TP73: variants seen among roughly 807,000 people sequenced by gnomAD.
TP73 encodes the protein tumor protein p73.
A neutral mutation model predicts 62.5 loss-of-function variants in TP73; 25 were observed. That is an observed-to-expected ratio of 0.40 (90% confidence interval 0.29 to 0.56). TP73 has a LOEUF of 0.56. TP73 is among the 20% of genes least tolerant of loss of function. The pLI is 0.46. For missense variants in TP73, 754 were observed against 913.3 expected (o/e 0.83, Z 2.25); for synonymous variants, 423 against 377.5 (o/e 1.12, Z -1.40).
intron 1 of TP73, among the ~76,000 whole-genome samples, chr1:3,674,160 T>G (rs773651741): frequency 6.6e-6 from 1 of 152,172 alleles, no homozygotes; most frequent in Non-Finnish European, 1.5e-5. Context: ...AGGAAGCTGG[T>G]TGGGGGCACC....
intron 11 of TP73, among the ~76,000 whole-genome samples, chr1:3,730,703 C>G (rs1435196266): frequency 6.6e-6 from 1 of 152,156 alleles, no homozygotes; most frequent in Non-Finnish European, 1.5e-5. Context: ...ACCCAGTGCC[C>G]CGTACGCACG....
chr1:3,679,451 CTCTG>C (rs1360583087), intron 1 of TP73, among the ~76,000 whole-genome samples: 3 of 152,252 alleles, frequency 2.0e-5, no homozygotes, highest in East Asian at 1.9e-4. Flanking sequence ...CTCTGTCTGT[CTCTG>C]TCTGTCTCTG....
chr1:3,660,013 G>C (rs1219837624), intron 1 of TP73, among the ~76,000 whole-genome samples: 1 of 152,168 alleles, frequency 6.6e-6, no homozygotes, highest in African/African-American at 2.4e-5. Flanking sequence ...AGTAAGTCTA[G>C]CCTCATTAAA....
In TP73 at chr1:3,682,402, A is replaced by G. The variant is rs1417398927; in HGVS notation, c.37A>G (p.Thr13Ala). ...CACCGCCACCTCCCCTGATGGGGGC[A>G]CCACGTTTGAGCACCTCTGGAGCTC... ...QSTATSPDGG[T>A]TFEHLWSSLE... The change falls in exon 2 of 14, where the codon ACC (threonine) becomes GCC (alanine). Residue 13 changes from threonine (T) to alanine (A), a missense_variant. Thr to Ala is a moderately conservative substitution (Grantham distance 58). Around this residue, in one of 3 missense-constraint regions of TP73, gnomAD observed 235 missense variants for 251.4 expected, o/e 0.93. Coordinates refer to ENST00000378295, the MANE Select transcript of TP73 (RefSeq NM_005427.4). The G allele has an allele frequency of 1.9e-6, 3 of 1,564,632 alleles. No individual in the cohort carries two copies. In the East Asian group the frequency reaches 7.0e-5, roughly 37 times the overall value.
Position 3,722,061 on chromosome 1 carries a change from A to G in TP73, c.470A>G (p.Lys157Arg). The G allele has an allele frequency of 6.2e-7, 1 of 1,611,508 alleles. No homozygotes were observed. The highest frequency in any genetic ancestry group is 8.5e-7 in the Non-Finnish European group (1 of 1,178,872). ...LLKKLYCQIA[K>R]TCPIQIKVST... ...AAGAAACTCTACTGCCAGATCGCCA[A>G]GACATGCCCCATCCAGATCAAGGTG... Residue 157 changes from lysine (K) to arginine (R), a missense_variant, in exon 5 of 14, where the codon AAG becomes AGG. This residue lies in a region of TP73 where 235 missense variants were observed against 251.4 expected (regional missense o/e 0.93). Coordinates refer to ENST00000378295, the MANE Select transcript of TP73 (RefSeq NM_005427.4).
intron 3 of TP73, among the ~76,000 whole-genome samples, chr1:3,684,217 CT>C (rs1338084345): frequency 4.6e-5 from 7 of 152,220 alleles, no homozygotes; most frequent in Admixed American, 3.3e-4. Context: ...CACAGGCTGG[CT>C]GCCCCGCCCC....
At chr1:3,719,609 C>A (rs1473119374) in intron 4 of TP73, among the ~76,000 whole-genome samples, 2 of 152,208 alleles carry the variant, frequency 1.3e-5, no homozygotes, top group Admixed American at 1.3e-4. Flanking sequence ...GGTCCGAGTC[C>A]CAGAGGGTCT....
Position 3,691,062 on chromosome 1 carries a change from A to G in TP73, c.186+7882A>G. 6.3e-6 allele frequency: 9 copies of G among 1,420,650 alleles called. No homozygotes were observed. In the South Asian group the frequency reaches 1.1e-4, roughly 18 times the overall value. The allele number at this position is 1,420,650 out of a possible 1,614,324, so 88.0% of individuals were successfully genotyped here. A position where few individuals can be genotyped will look rare whatever the true frequency, so the allele number is the denominator to read the frequency against. Reference sequence around the variant, plus strand: ...CCTTCCTGGCCTGGAGTCTGCTGCCAGTTGGGGTGAGCAGAGGTAGGAAGG... The same window carrying G: ...CCTTCCTGGCCTGGAGTCTGCTGCCGGTTGGGGTGAGCAGAGGTAGGAAGG... On this transcript the variant is annotated intron_variant, in intron 3 of 13. Coordinates refer to ENST00000378295, the MANE Select transcript of TP73 (RefSeq NM_005427.4).
chr1:3,684,754 G>T (rs1307047172), intron 3 of TP73, among the ~76,000 whole-genome samples: 1 of 151,546 alleles, frequency 6.6e-6, no homozygotes, highest in African/African-American at 2.4e-5. Flanking sequence ...GCCTGCCCCT[G>T]CCCTCCCACC....
intron 3 of TP73, among the ~76,000 whole-genome samples, chr1:3,700,560 G>T (rs1301796641): frequency 6.6e-6 from 1 of 152,152 alleles, no homozygotes; most frequent in Non-Finnish European, 1.5e-5. Context: ...ACTTTGGGAG[G>T]CTGAGGTGGG....
chr1:3,729,220 A>T (rs1641927972), intron 9 of TP73, 107 bp from the exon 10 acceptor site: 2 of 1,502,720 alleles, frequency 1.3e-6, no homozygotes, highest in Non-Finnish European at 1.8e-6. Context: ...GGGAACCCCC[A>T]GAAAGGACAG....
rs116178978 is a variant in TP73, at chr1:3,678,416, C to T, written c.-33-3917C>T. On this transcript the variant is annotated intron_variant, in intron 1 of 13. Coordinates refer to ENST00000378295, the MANE Select transcript of TP73 (RefSeq NM_005427.4). ...CATGCCCAGTACTCCCAGATGCCTGCGGAGCCAGTCATCAGCTCAGGTGTG... is the reference window on the plus strand; with the variant it reads ...CATGCCCAGTACTCCCAGATGCCTGTGGAGCCAGTCATCAGCTCAGGTGTG... Among the ~76,000 whole-genome samples, 596 of 152,326 alleles carry T rather than the reference C, an allele frequency of 3.9e-3. 4 individuals carry two copies. Among genetic ancestry groups the T allele is most frequent in the African/African-American group, 0.012 (499 of 41,574 alleles).
In TP73 at chr1:3,685,501, C is replaced by T. The variant is rs566799760; in HGVS notation, c.186+2321C>T. Reference sequence around the variant, plus strand: ...TGGAATGAAGGCAGGCCCAGGCCTGCGTGGGGAGAGCCAAGCCTCATTCTG... The same window carrying T: ...TGGAATGAAGGCAGGCCCAGGCCTGTGTGGGGAGAGCCAAGCCTCATTCTG... On this transcript the variant is annotated intron_variant, in intron 3 of 13. Coordinates refer to ENST00000378295, the MANE Select transcript of TP73 (RefSeq NM_005427.4). 1.8e-4 allele frequency among the ~76,000 whole-genome samples: 27 copies of T among 152,362 alleles called. No homozygotes were observed. In the East Asian group the frequency reaches 4.0e-3, roughly 23 times the overall value.
rs1450611269 is a variant in TP73, at chr1:3,701,473, C to G, written c.187-6076C>G. ...ACCATACTTCTGGACCCTCTTGATC[C>G]CCACAACCATCCTACGAAGTCCACG... On this transcript the variant is annotated intron_variant, in intron 3 of 13. Transcript: ENST00000378295. The surrounding 1 kb of genome is among the most constrained non-coding windows in gnomAD (Gnocchi z 4.7). Among the ~76,000 whole-genome samples, 1 of 152,070 alleles carries G rather than the reference C, an allele frequency of 6.6e-6. No homozygotes were observed. Among genetic ancestry groups the G allele is most frequent in the African/African-American group, 2.4e-5 (1 of 41,404 alleles).
chr1:3,661,903 T>G (rs553702423), intron 1 of TP73, among the ~76,000 whole-genome samples: 1 of 150,120 alleles, frequency 6.7e-6, no homozygotes, highest in East Asian at 1.9e-4. Context: ...ATTTTTTATT[T>G]TTTTTAATTA....
At chr1:3,728,092 TGCCTGCTCACCCC>T in intron 8 of TP73, 24 bp from the exon 9 acceptor site, 1 of 1,584,942 alleles carries the variant, frequency 6.3e-7, no homozygotes, top group Non-Finnish European at 8.6e-7. Flanking sequence ...CCTCTGGTCC[TGCCTGCTCACCCC>T]GCCTGCCCTG....
intron 4 of TP73, among the ~76,000 whole-genome samples, chr1:3,711,274 C>T (rs1290544917): frequency 1.3e-5 from 2 of 152,224 alleles, no homozygotes; most frequent in Non-Finnish European, 2.9e-5. Context: ...GCCCTTCTCC[C>T]AGTTCAACAC....
intron 3 of TP73, among the ~76,000 whole-genome samples, chr1:3,704,526 C>T (rs1188969197): frequency 6.6e-6 from 1 of 152,196 alleles, no homozygotes; most frequent in Admixed American, 6.5e-5. Context: ...ATGCTCAAAC[C>T]GGGTGACGAA....
Position 3,707,471 on chromosome 1 carries a change from T to A in TP73, c.187-78T>A, listed in dbSNP as rs1639758002. On this transcript the variant is annotated intron_variant, in intron 3 of 13. Transcript: ENST00000378295. Reference sequence around the variant, plus strand: ...AGCCGCTGGCCCTTTAAGGCTCCTGTAACAGGACACCTCCTAGACGGGACA... The same window carrying A: ...AGCCGCTGGCCCTTTAAGGCTCCTGAAACAGGACACCTCCTAGACGGGACA... 4.5e-6 allele frequency: 7 copies of A among 1,540,960 alleles called. No homozygotes were observed. The South Asian group carries it at 8.7e-5, about 19-fold the overall frequency.
Sources: allele counts gnomAD v4.1 joint callset (sites outside exome capture counted in the v4.1 genomes callset), GRCh38; gene constraint gnomAD v4.1.1; regional missense constraint gnomAD v4.1.1; non-coding constraint Gnocchi (gnomAD v3.1); transcripts MANE v1.5; gene names NCBI Gene and HGNC (gene_info 2026-07-23, HGNC 2026-07-21).